Variants in SMG1 observed in about 807,000 individuals in gnomAD.
SMG1 encodes SMG1 nonsense mediated mRNA decay associated PI3K related kinase, also known as serine/threonine-protein kinase SMG1.
A neutral mutation model predicts 419.9 loss-of-function variants in SMG1; 22 were observed. The ratio of observed to expected loss-of-function variants is 0.05; its 90% CI spans 0.04 to 0.07. The LOEUF is 0.07. Ranked by LOEUF, SMG1 falls within the 10% of genes least tolerant of loss-of-function variation. The probability of loss-of-function intolerance (pLI) is 1.00; values close to 1 mark genes in which losing one functional copy is unlikely to be tolerated. For missense variants in SMG1, 3,185 were observed against 4,342.0 expected, an observed-to-expected ratio of 0.73 and a Z score of 7.49; for synonymous variants, 1,538 against 1,553.5, an observed-to-expected ratio of 0.99 and a Z score of 0.23.
At chr16:18,916,204 T>A (rs1567462731) in intron 1 of SMG1, among the ~76,000 whole-genome samples, 2 of 150,190 alleles carry the variant, frequency 1.3e-5, no homozygotes, top group African/African-American at 4.9e-5. Flanking sequence ...TACACTTGAT[T>A]AATACAAGAT....
chr16:18,839,268 A>G (rs1343385395), intron 42 of SMG1, among the ~76,000 whole-genome samples: 1 of 151,950 alleles, frequency 6.6e-6, no homozygotes, highest in East Asian at 1.9e-4. Flanking sequence ...CTGGGGTTTG[A>G]TGTACACATT....
chr16:18,820,221 C>T (rs1326195031), intron 55 of SMG1, among the ~76,000 whole-genome samples: 2 of 152,126 alleles, frequency 1.3e-5, no homozygotes, highest in Non-Finnish European at 2.9e-5. Context: ...GCCTCGGCCT[C>T]CCAAAGTGCT....
At chr16:18,847,030 CAT>C (rs2034305841) in intron 38 of SMG1, among the ~76,000 whole-genome samples, 1 of 150,122 alleles carries the variant, frequency 6.7e-6, no homozygotes, top group Non-Finnish European at 1.5e-5. Context: ...ACGGTATAAT[CAT>C]ACAGTATTAT....
chr16:18,832,155 C>T (rs568650245), intron 51 of SMG1, among the ~76,000 whole-genome samples: 5 of 152,158 alleles, frequency 3.3e-5, no homozygotes, highest in South Asian at 4.2e-4. Context: ...TGGGAGGAAA[C>T]GGTGCTACAA....
intron 13 of SMG1, among the ~76,000 whole-genome samples, chr16:18,873,697 T>C (rs1338604089): frequency 1.3e-5 from 2 of 152,260 alleles, no homozygotes; most frequent in Admixed American, 1.3e-4. Flanking sequence ...CCTCTGTATG[T>C]GCCTTTTGCG....
At chr16:18,906,983 C>T (rs2037586418) in intron 1 of SMG1, among the ~76,000 whole-genome samples, 1 of 152,212 alleles carries the variant, frequency 6.6e-6, no homozygotes, top group Admixed American at 6.5e-5. Flanking sequence ...CTGAGTGAAA[C>T]TCCTTTTTTA....
intron 25 of SMG1, 26 bp downstream of exon 25, chr16:18,863,624 T>C (rs1237941557): frequency 6.3e-7 from 1 of 1,583,454 alleles, no homozygotes; most frequent in Non-Finnish European, 8.6e-7. Context: ...GAAATTTGTT[T>C]TATAACTGGA....
At chr16:18,821,396 C>A (rs1336758672) in intron 55 of SMG1, among the ~76,000 whole-genome samples, 2 of 36,980 alleles carry the variant, frequency 5.4e-5, no homozygotes, top group African/African-American at 1.9e-4. Flanking sequence ...CAATGCTATC[C>A]CTCCCGCCTC....
In SMG1 at chr16:18,839,852, A is replaced by C; in HGVS notation, c.6791T>G (p.Val2264Gly). The change falls in exon 42 of 63, where the codon GTT becomes GGT. Residue 2264 changes from valine (V) to glycine (G), a missense_variant. Transcript: ENST00000446231. ...ACGGGACACATCCAGGCTAAGCCCA[A>C]CTGTTTTCAAAGCAGGGCCAATTTT... ...YSKIGPALKT[V>G]GLSLDVSRRD... The C allele has an allele frequency of 1.2e-6, 2 of 1,613,818 alleles. No individual in the cohort carries two copies. The highest frequency in any genetic ancestry group is 1.7e-6 in the Non-Finnish European group (2 of 1,179,810).
chr16:18,841,459 CTTCT>C (rs1323820176), intron 41 of SMG1, 102 bp downstream of exon 41: 1 of 983,966 alleles, frequency 1.0e-6, no homozygotes, highest in Non-Finnish European at 1.5e-6. Context: ...AAGTCTTTTC[CTTCT>C]TTAACTGCTT....
intron 51 of SMG1, 76 bp downstream of exon 51, chr16:18,832,864 T>C: frequency 7.7e-7 from 1 of 1,297,092 alleles, no homozygotes; most frequent in Non-Finnish European, 1.1e-6. Context: ...TAAACTTACG[T>C]TAAAGAGCTC....
chr16:18,897,306 T>C (rs1216736429), intron 1 of SMG1, among the ~76,000 whole-genome samples: 1 of 152,212 alleles, frequency 6.6e-6, no homozygotes, highest in African/African-American at 2.4e-5. Flanking sequence ...TCTCCTCACA[T>C]GACTTGATAA....
At position 18,854,707 on chromosome 16, in the gene SMG1, T is replaced by C; in HGVS notation, c.4432A>G (p.Lys1478Glu). The C allele has an allele frequency of 6.2e-7, 1 of 1,613,998 alleles. No individual in the cohort carries two copies. Among genetic ancestry groups the C allele is most frequent in the Non-Finnish European group, 8.5e-7 (1 of 1,179,882 alleles). The change falls in exon 30 of 63, where the codon AAA (lysine) becomes GAA (glutamate). Residue 1478 changes from lysine (K) to glutamate (E), a missense_variant. By Grantham distance (56) the Lys-to-Glu change is moderately conservative. Coordinates refer to ENST00000446231, the MANE Select transcript of SMG1 (RefSeq NM_015092.5). ...KLSTQGQVDE[K>E]WGPELDIEKT... ...TCAATATCAAGTTCGGGCCCCCATT[T>C]TTCATCCACTTGACCTTGGGTTGAT...
Position 18,845,414 on chromosome 16 carries a change from G to T in SMG1, c.6219+15C>A. 1 of 1,602,692 alleles carries T rather than the reference G, an allele frequency of 6.2e-7. No homozygotes were observed. The highest frequency in any genetic ancestry group is 8.5e-7 in the Non-Finnish European group (1 of 1,171,004). ...GATGTGCCATTTCAGTAGCATGCTT[G>T]GGATTATTCTGTACCTCTTTAAATG... On this transcript the variant is annotated intron_variant, in intron 39 of 62. Coordinates refer to ENST00000446231, the MANE Select transcript of SMG1 (RefSeq NM_015092.5).
intron 1 of SMG1, among the ~76,000 whole-genome samples, chr16:18,899,801 G>T (rs1415789968): frequency 6.6e-6 from 1 of 151,934 alleles, no homozygotes; most frequent in East Asian, 1.9e-4. Context: ...AGTGAAAAAA[G>T]AAAATCTATC....
intron 1 of SMG1, among the ~76,000 whole-genome samples, chr16:18,902,595 G>A (rs1296320406): frequency 6.6e-6 from 1 of 151,944 alleles, no homozygotes; most frequent in Non-Finnish European, 1.5e-5. Context: ...AGCAACTCAG[G>A]TGGCTGACGT....
At position 18,808,469 on chromosome 16, in the gene SMG1, C is replaced by T. The variant is rs2031057150; in HGVS notation, c.*1100G>A. The T allele has an allele frequency of 6.6e-6, 1 of 152,120 alleles. No homozygotes were observed. Among genetic ancestry groups the T allele is most frequent in the South Asian group, 2.1e-4 (1 of 4,826 alleles). 9.4% of individuals were successfully genotyped at this position (152,120 alleles called of 1,614,324 possible). A position where few individuals can be genotyped will look rare whatever the true frequency, so the allele number is the denominator to read the frequency against. On this transcript the variant is annotated 3_prime_UTR_variant, in exon 63 of 63. Coordinates refer to ENST00000446231, the MANE Select transcript of SMG1 (RefSeq NM_015092.5). ...GAACATCACTTTATTGTTAATCTAT[C>T]ATCAACAATGTAAAACTCTAATAGA...
chr16:18,905,462 A>G (rs1263531173), intron 1 of SMG1, among the ~76,000 whole-genome samples: 1 of 152,062 alleles, frequency 6.6e-6, no homozygotes, highest in African/African-American at 2.4e-5. Flanking sequence ...GCCACTCAAG[A>G]CCTTCTTGGC....
At chr16:18,901,950 A>G (rs964797970) in intron 1 of SMG1, among the ~76,000 whole-genome samples, 3 of 137,752 alleles carry the variant, frequency 2.2e-5, no homozygotes, top group African/African-American at 8.0e-5. Flanking sequence ...CTCCAAAAAA[A>G]AAAAGGGGGG....
Sources: gnomAD v4.1 joint callset for allele counts (sites outside exome capture counted in the v4.1 genomes callset) on GRCh38, gnomAD v4.1.1 for gene constraint, MANE v1.5 for transcripts, NCBI Gene and HGNC (gene_info 2026-07-23, HGNC 2026-07-21) for gene names.